The following PHACTR1 variants were observed in gnomAD, a reference collection of about 807,000 sequenced individuals.
PHACTR1 encodes phosphatase and actin regulator 1.
PHACTR1 carries 16 observed loss-of-function variants against 69.2 expected under a neutral mutation model. The observed-to-expected ratio is 0.23, with a 90% CI of 0.16 to 0.35. PHACTR1 has a LOEUF of 0.35. Ranked by LOEUF, PHACTR1 falls within the 10% of genes least tolerant of loss-of-function variation. The pLI is 1.00. For missense variants in PHACTR1, 510 were observed against 734.7 expected, an observed-to-expected ratio of 0.69 and a Z score of 3.54; for synonymous variants, 312 against 284.5, an observed-to-expected ratio of 1.10 and a Z score of -0.97.
intron 4 of PHACTR1, among the ~76,000 whole-genome samples, chr6:12,999,311 A>G (rs1336118131): frequency 6.6e-6 from 1 of 152,252 alleles, no homozygotes; most frequent in East Asian, 1.9e-4. Context: ...ATCTTAAAAT[A>G]CGTTGAGGCC....
intron 12 of PHACTR1, among the ~76,000 whole-genome samples, chr6:13,282,766 CAG>C (rs1407743587): frequency 7.9e-5 from 12 of 152,018 alleles, no homozygotes; most frequent in Admixed American, 2.0e-4. Context: ...CAAAATAAGA[CAG>C]AATCATTGTA....
chr6:13,287,373 G>A lies in PHACTR1; in HGVS notation c.*295G>A, dbSNP rs929406392. The A allele has an allele frequency of 2.3e-5, 11 of 470,460 alleles. No homozygotes were observed. Among genetic ancestry groups the A allele is most frequent in the Admixed American group, 1.9e-4 (5 of 26,324 alleles). 29.1% of individuals were successfully genotyped at this position (470,460 alleles called of 1,614,324 possible). On this transcript the variant is annotated 3_prime_UTR_variant, in exon 15 of 15. Transcript: ENST00000332995. Reference sequence around the variant, plus strand: ...CTGAAGACTGTCTGGCAGGTGGAACGGTCCTTGTCCTCTCCAGCCAGGCCC... The same window carrying A: ...CTGAAGACTGTCTGGCAGGTGGAACAGTCCTTGTCCTCTCCAGCCAGGCCC...
At chr6:13,226,640 C>G (rs11968818) in intron 8 of PHACTR1, among the ~76,000 whole-genome samples, 17,978 of 151,978 alleles carry the variant, frequency 0.12, 1,489 homozygotes, top group Admixed American at 0.24. Flanking sequence ...AAAAAGGGTT[C>G]TAAGTTACTA....
At chr6:13,141,091 G>A (rs541733748) in intron 5 of PHACTR1, among the ~76,000 whole-genome samples, 1 of 152,146 alleles carries the variant, frequency 6.6e-6, no homozygotes, top group Non-Finnish European at 1.5e-5. Context: ...TTATGAGTAT[G>A]CCAGAAAGAA....
intron 4 of PHACTR1, among the ~76,000 whole-genome samples, chr6:12,926,470 T>C (rs1788276946): frequency 6.6e-6 from 1 of 152,250 alleles, no homozygotes; most frequent in South Asian, 2.1e-4. Flanking sequence ...TCCATATCTA[T>C]GTTTGGATAC....
In PHACTR1 at chr6:13,179,789, A is replaced by G. The variant is rs1288198278; in HGVS notation, c.497-2730A>G. The stretch of plus-strand genomic sequence containing the variant: ...AATATTAATGTTGAAGAAATTGCCA[A>G]AAGCTAAAATATGTGTATGGTCTGT... On this transcript the variant is annotated intron_variant, in intron 6 of 14. Transcript: ENST00000332995. This position sits in a 1 kb window ranked among gnomAD's most constrained non-coding sequence, Gnocchi z 4.2. Among the ~76,000 whole-genome samples the G allele has an allele frequency of 6.6e-6, 1 of 152,188 alleles. No homozygotes were observed. The highest frequency in any genetic ancestry group is 2.4e-5 in the African/African-American group (1 of 41,446).
intron 4 of PHACTR1, among the ~76,000 whole-genome samples, chr6:12,904,830 T>C (rs1243413321): frequency 3.3e-5 from 5 of 152,312 alleles, no homozygotes; most frequent in African/African-American, 1.2e-4. Context: ...CTGCTGCTTC[T>C]TAATCCCTTT....
intron 5 of PHACTR1, among the ~76,000 whole-genome samples, chr6:13,079,092 G>T (rs1421122934): frequency 1.1e-4 from 17 of 152,116 alleles, no homozygotes; most frequent in Admixed American, 1.0e-3. Flanking sequence ...GATTTTTCCA[G>T]ATCCACCTTC....
chr6:12,817,645 C>T (rs1471163372), intron 4 of PHACTR1, among the ~76,000 whole-genome samples: 2 of 152,122 alleles, frequency 1.3e-5, no homozygotes, highest in Non-Finnish European at 2.9e-5. Context: ...CTGATACAGC[C>T]TCCTGAAGTG....
intron 8 of PHACTR1, among the ~76,000 whole-genome samples, chr6:13,209,271 C>G (rs1483991417): frequency 6.6e-6 from 1 of 152,110 alleles, no homozygotes; most frequent in Non-Finnish European, 1.5e-5. Context: ...CTGATTTTTA[C>G]TGCCTAAAAA....
At chr6:13,113,125 C>G (rs963384006) in intron 5 of PHACTR1, among the ~76,000 whole-genome samples, 1 of 151,902 alleles carries the variant, frequency 6.6e-6, no homozygotes, top group African/African-American at 2.4e-5. Context: ...CACTTGAGCC[C>G]AAGAGTTTGA....
chr6:12,932,870 A>G lies in PHACTR1; in HGVS notation c.251-120495A>G, dbSNP rs574465773. 3.3e-5 allele frequency among the ~76,000 whole-genome samples: 5 copies of G among 152,232 alleles called. No individual in the cohort carries two copies. The East Asian group carries it at 9.6e-4, about 29-fold the overall frequency. ...AATGACTGGGCCAAAATTCATAAGC[A>G]GAGAGTCTCTACCTTTGCTATTATG... On this transcript the variant is annotated intron_variant, in intron 4 of 14. Transcript: ENST00000332995.
intron 4 of PHACTR1, among the ~76,000 whole-genome samples, chr6:12,857,072 C>T (rs2127418484): frequency 6.6e-6 from 1 of 152,272 alleles, no homozygotes; most frequent in East Asian, 1.9e-4. Context: ...CTCCTGAACA[C>T]AGAACCTGGA....
intron 4 of PHACTR1, among the ~76,000 whole-genome samples, chr6:12,815,776 T>C (rs1267752835): frequency 6.6e-6 from 1 of 152,240 alleles, no homozygotes; most frequent in East Asian, 1.9e-4. Flanking sequence ...TCTAGCTTGC[T>C]TTTGTTACTT....
At position 13,283,593 on chromosome 6, in the gene PHACTR1, G is replaced by A. The variant is rs565993979; in HGVS notation, c.1650+31G>A. 5 of 1,613,574 alleles carry A rather than the reference G, an allele frequency of 3.1e-6. No individual in the cohort carries two copies. In the African/African-American group the frequency reaches 4.0e-5, roughly 13 times the overall value. On this transcript the variant is annotated intron_variant, in intron 13 of 14. Coordinates refer to ENST00000332995, the MANE Select transcript of PHACTR1 (RefSeq NM_030948.6). This position sits in a 1 kb window ranked among gnomAD's most constrained non-coding sequence, Gnocchi z 4.7. ...CAGAGGGGAGTGCTGGAGAGTGGGAGGCAGGACCGTCTGCTGGGTCTCGCT... is the reference window on the plus strand; with the variant it reads ...CAGAGGGGAGTGCTGGAGAGTGGGAAGCAGGACCGTCTGCTGGGTCTCGCT...
intron 4 of PHACTR1, among the ~76,000 whole-genome samples, chr6:12,913,689 G>C (rs1018736780): frequency 1.9e-4 from 29 of 152,294 alleles, no homozygotes; most frequent in Admixed American, 1.9e-3. Context: ...AATCCTGAGA[G>C]GTCTGATGAT....
chr6:13,132,494 A>C (rs921817858), intron 5 of PHACTR1, among the ~76,000 whole-genome samples: 5 of 152,102 alleles, frequency 3.3e-5, no homozygotes, highest in Non-Finnish European at 7.4e-5. Context: ...GTGTCTATTC[A>C]CGATGTCATG....
intron 5 of PHACTR1, among the ~76,000 whole-genome samples, chr6:13,114,159 CT>C (rs1363506296): frequency 6.6e-6 from 1 of 152,170 alleles, no homozygotes; most frequent in African/African-American, 2.4e-5. Context: ...GCTCTGATGG[CT>C]TTACTTTCTC....
At chr6:12,755,763 A>T (rs1299665462) in intron 4 of PHACTR1, among the ~76,000 whole-genome samples, 1 of 152,196 alleles carries the variant, frequency 6.6e-6, no homozygotes, top group Non-Finnish European at 1.5e-5. Flanking sequence ...TGGCATTTCA[A>T]GTCTTTTAAC....
Sources: allele counts gnomAD v4.1 joint callset (sites outside exome capture counted in the v4.1 genomes callset), GRCh38; gene constraint gnomAD v4.1.1; non-coding constraint Gnocchi (gnomAD v3.1); transcripts MANE v1.5; gene names NCBI Gene and HGNC (gene_info 2026-07-23, HGNC 2026-07-21).